Variants in BIRC6 observed in about 807,000 individuals in gnomAD.
The protein encoded by BIRC6 is dual E2 ubiquitin-conjugating enzyme/E3 ubiquitin-protein ligase BIRC6.
Under a neutral mutation model 503.3 loss-of-function variants are expected in BIRC6, and 98 were observed. The ratio of observed to expected loss-of-function variants is 0.19; its 90% confidence interval spans 0.17 to 0.23. The LOEUF (loss-of-function observed/expected upper bound fraction) is 0.23. BIRC6 is among the 10% of genes least tolerant of loss of function. The pLI, the probability that BIRC6 is intolerant of heterozygous loss-of-function variation, is 1.00. For missense variants in BIRC6, 5,360 were observed against 5,806.0 expected, an observed-to-expected ratio of 0.92 and a Z score of 2.50; for synonymous variants, 2,240 against 2,078.7, an observed-to-expected ratio of 1.08 and a Z score of -2.11.
At chr2:32,541,386 G>A (rs566744850) in intron 61 of BIRC6, among the ~76,000 whole-genome samples, 4 of 152,182 alleles carry the variant, frequency 2.6e-5, no homozygotes, top group African/African-American at 7.2e-5. Context: ...TCAGTGTACA[G>A]ATGCATGTAG....
At position 32,463,296 on chromosome 2, in the gene BIRC6, C is replaced by G. The variant is rs2048194017; in HGVS notation, c.4856C>G (p.Ser1619Cys). ...TCAGCAGCCCAGGTAGCTTTGCAGTCTCTCTCTCATGCAATGGCTTCAGCC... is the reference window on the plus strand; with the variant it reads ...TCAGCAGCCCAGGTAGCTTTGCAGTGTCTCTCTCATGCAATGGCTTCAGCC... ...LSSAAQVALQ[S>C]LSHAMASAEQ... The change falls in exon 24 of 74, where the codon TCT (serine) becomes TGT (cysteine). Residue 1619 changes from serine to cysteine, a missense_variant. By Grantham distance (112) the Ser-to-Cys change is moderately radical. Coordinates refer to ENST00000421745, the MANE Select transcript of BIRC6 (RefSeq NM_016252.4). The G allele has an allele frequency of 6.2e-7, 1 of 1,613,774 alleles. No individual in the cohort carries two copies. The highest frequency in any genetic ancestry group is 8.5e-7 in the Non-Finnish European group (1 of 1,179,814).
chr2:32,481,028 A>T (rs893538113), intron 37 of BIRC6, among the ~76,000 whole-genome samples: 12 of 152,130 alleles, frequency 7.9e-5, no homozygotes, highest in Non-Finnish European at 1.6e-4. Context: ...TACATGTTAG[A>T]TGTAATAGAA....
rs1553535790 is a variant in BIRC6 at position 32,609,285 on chromosome 2, C to CTGTGTGTGTA, written c.14259+1651_14259+1652insATGTGTGTGT. Among the ~76,000 whole-genome samples, 4 of 147,552 alleles carry CTGTGTGTGTA rather than the reference C, an allele frequency of 2.7e-5. No homozygotes were observed. The East Asian group carries it at 6.0e-4, about 22-fold the overall frequency. On this transcript the variant is annotated intron_variant, in intron 72 of 73. Coordinates refer to ENST00000421745, the MANE Select transcript of BIRC6 (RefSeq NM_016252.4). ...TTTCACGTCATCCTGAAGTGTGGCT[C>CTGTGTGTGTA]TGTGTGTGTGTGTGTGTGTGTGTGT... is the stretch of plus-strand genomic sequence containing the variant.
Position 32,370,501 on chromosome 2 carries a change from C to T in BIRC6, c.326-7087C>T, listed in dbSNP as rs551869632. ...TGTTGTATTTTATCATGTGTTACCC[C>T]TTTCTTTGTGGTGCAGTCACTGACC... On this transcript the variant is annotated intron_variant, in intron 1 of 73. Coordinates refer to ENST00000421745, the MANE Select transcript of BIRC6 (RefSeq NM_016252.4). 1.2e-4 allele frequency among the ~76,000 whole-genome samples: 18 copies of T among 152,218 alleles called. No individual in the cohort carries two copies. In the South Asian group the frequency reaches 3.5e-3, roughly 30 times the overall value.
At chr2:32,532,062 A>G in intron 61 of BIRC6, 5 of 521,476 alleles carry the variant, frequency 9.6e-6, no homozygotes, top group South Asian at 1.4e-5. Flanking sequence ...AGTATGGTGC[A>G]TGGAGAGTTG....
chr2:32,615,073 A>G (rs1349470674), intron 73 of BIRC6, among the ~76,000 whole-genome samples: 2 of 152,152 alleles, frequency 1.3e-5, no homozygotes, highest in Non-Finnish European at 2.9e-5. Context: ...ATGAAGCGGA[A>G]TCACGAAGGC....
intron 65 of BIRC6, among the ~76,000 whole-genome samples, chr2:32,560,275 A>AT (rs1231562919): frequency 6.6e-6 from 1 of 152,228 alleles, no homozygotes; most frequent in Non-Finnish European, 1.5e-5. Context: ...AATTTTAAAG[A>AT]TTTTTGTAAA....
At position 32,575,359 on chromosome 2, in the gene BIRC6, C is replaced by T. The variant is rs777387724; in HGVS notation, c.13348C>T (p.Arg4450Cys). Residue 4450 changes from arginine (R) to cysteine (C), a missense_variant, in exon 66 of 74, where the codon CGT becomes TGT. Physicochemically the swap from Arg to Cys is radical, Grantham distance 180. This residue lies in a region of BIRC6 where 477 missense variants were observed against 574.4 expected (regional missense o/e 0.83). Coordinates refer to ENST00000421745, the MANE Select transcript of BIRC6 (RefSeq NM_016252.4). ...GACCTGTGTTGATACCTATACCAAC[C>T]GTTTAAGGTACTATATACAATGTTC... ...MKTCVDTYTN[R>C]LRSKRENVKT... 20 of 1,612,760 alleles carry T rather than the reference C, an allele frequency of 1.2e-5. No individual in the cohort carries two copies. The highest frequency in any genetic ancestry group is 2.2e-5 in the East Asian group (1 of 44,896).
In BIRC6 at chr2:32,380,199, G is replaced by A; in HGVS notation, c.554G>A (p.Ser185Asn). 1.2e-6 allele frequency: 2 copies of A among 1,601,266 alleles called. No individual in the cohort carries two copies. The highest frequency in any genetic ancestry group is 8.5e-7 in the Non-Finnish European group (1 of 1,174,410). Residue 185 changes from serine to asparagine, a missense_variant, in exon 3 of 74, where the codon AGT (serine) becomes AAT (asparagine). By Grantham distance (46) the Ser-to-Asn change is conservative. Transcript: ENST00000421745. ...SACLEKVDIS[S>N]TEGYDLFITQ... is the part of the protein sequence containing the mutation. ...TGTTTAGAAAAGGTAGATATTTCTA[G>A]TACAGAGGGTTATGATTTGTTCATC...
chr2:32,364,195 T>G (rs1204733522), intron 1 of BIRC6, among the ~76,000 whole-genome samples: 1 of 152,192 alleles, frequency 6.6e-6, no homozygotes, highest in African/African-American at 2.4e-5. Context: ...GTTTCCGAAG[T>G]GAATTCCAGA....
chr2:32,507,227 C>G (rs2053894439), intron 50 of BIRC6, among the ~76,000 whole-genome samples: 1 of 152,052 alleles, frequency 6.6e-6, no homozygotes, highest in African/African-American at 2.4e-5. Flanking sequence ...GACAGGAGTT[C>G]AAGACCAGCC....
At chr2:32,486,624 G>A (rs1359805393) in intron 40 of BIRC6, among the ~76,000 whole-genome samples, 1 of 152,164 alleles carries the variant, frequency 6.6e-6, no homozygotes, top group Non-Finnish European at 1.5e-5. Context: ...GAGATAGTAG[G>A]TAGAACCGAA....
chr2:32,438,386 C>T (rs2044984983), intron 15 of BIRC6, among the ~76,000 whole-genome samples: 1 of 152,044 alleles, frequency 6.6e-6, no homozygotes, highest in African/African-American at 2.4e-5. Context: ...AGAGTGATAG[C>T]ATTTATAATC....
At chr2:32,481,080 A>G (rs757679090) in intron 37 of BIRC6, among the ~76,000 whole-genome samples, 8 of 152,158 alleles carry the variant, frequency 5.3e-5, no homozygotes, top group South Asian at 2.1e-4. Context: ...TTTAATAGCA[A>G]AGTTTATGCA....
intron 72 of BIRC6, among the ~76,000 whole-genome samples, chr2:32,611,108 CTT>C (rs1245765148): frequency 3.2e-5 from 4 of 126,142 alleles, no homozygotes; most frequent in African/African-American, 5.9e-5. Flanking sequence ...ATTAAATTGC[CTT>C]TTTTTTTTTG....
At chr2:32,504,160 AAGTGTTAGGATTAC>A (rs1306640430) in intron 49 of BIRC6, among the ~76,000 whole-genome samples, 7 of 151,278 alleles carry the variant, frequency 4.6e-5, no homozygotes, top group Non-Finnish European at 8.8e-5. Flanking sequence ...TGGCCTCCCA[AAGTGTTAGGATTAC>A]AGGCATGAGC....
rs1409886275 is a variant in BIRC6 at position 32,529,692 on chromosome 2, A to G, written c.11962A>G (p.Thr3988Ala). 6.2e-7 allele frequency: 1 copy of G among 1,611,090 alleles called. No homozygotes were observed. The highest frequency in any genetic ancestry group is 2.2e-5 in the East Asian group (1 of 44,694). ...PAEMTLAQLL[T>A]LLYDRKLPQG... ...TGAAATGACACTTGCCCAGCTTTTA[A>G]CTCTCCTATATGACCGAAAACTTCC... The change falls in exon 60 of 74, where the codon ACT (threonine) becomes GCT (alanine). Residue 3988 changes from threonine (T) to alanine (A), a missense_variant. Around this residue, in one of 16 missense-constraint regions of BIRC6, gnomAD observed 878 missense variants for 928.9 expected, o/e 0.95. Transcript: ENST00000421745.
chr2:32,384,496 A>G (rs1294591815), intron 3 of BIRC6, among the ~76,000 whole-genome samples: 2 of 152,138 alleles, frequency 1.3e-5, no homozygotes, highest in African/African-American at 4.8e-5. Flanking sequence ...GCAGAAAACT[A>G]TGGACAGAAC....
chr2:32,428,858 G>A (rs948903547), intron 10 of BIRC6, among the ~76,000 whole-genome samples: 5 of 152,106 alleles, frequency 3.3e-5, no homozygotes, highest in African/African-American at 1.2e-4. Flanking sequence ...TTGGTAAAAA[G>A]TAAATGAATT....
Sources: allele counts gnomAD v4.1 joint callset (sites outside exome capture counted in the v4.1 genomes callset), GRCh38; gene constraint gnomAD v4.1.1; regional missense constraint gnomAD v4.1.1; transcripts MANE v1.5; gene names NCBI Gene and HGNC (gene_info 2026-07-23, HGNC 2026-07-21).